PTPRK: variants seen among roughly 807,000 people sequenced by gnomAD.
PTPRK encodes the protein protein tyrosine phosphatase receptor type K.
Under a neutral mutation model 178.0 loss-of-function variants are expected in PTPRK, and 75 were observed. That is an observed-to-expected ratio of 0.42 (90% CI 0.35 to 0.51). PTPRK has a LOEUF of 0.51. PTPRK is among the 20% of genes least tolerant of loss of function. PTPRK has a pLI of 0.02. For synonymous variants in PTPRK, 637 were observed against 620.6 expected, an observed-to-expected ratio of 1.03 and a Z score of -0.39; for missense variants, 1,441 against 1,797.8, an observed-to-expected ratio of 0.80 and a Z score of 3.59.
At chr6:128,115,539 T>A (rs994631900) in intron 7 of PTPRK, among the ~76,000 whole-genome samples, 1 of 152,094 alleles carries the variant, frequency 6.6e-6, no homozygotes, top group Non-Finnish European at 1.5e-5. Flanking sequence ...AAGTGGTATA[T>A]AATAAAAGCC....
chr6:128,072,220 T>C (rs921540109), intron 11 of PTPRK, among the ~76,000 whole-genome samples: 4 of 152,042 alleles, frequency 2.6e-5, no homozygotes, highest in Admixed American at 2.6e-4. Flanking sequence ...AATCATTCAA[T>C]ACACAAAATG....
intron 1 of PTPRK, among the ~76,000 whole-genome samples, chr6:128,409,565 T>G (rs990434534): frequency 2.6e-5 from 4 of 152,166 alleles, no homozygotes; most frequent in Non-Finnish European, 4.4e-5. Context: ...ATTAGTAAAA[T>G]AAAGTCTGTT....
At chr6:128,280,989 A>G (rs940448572) in intron 3 of PTPRK, among the ~76,000 whole-genome samples, 11 of 152,182 alleles carry the variant, frequency 7.2e-5, no homozygotes, top group Non-Finnish European at 1.6e-4. Flanking sequence ...AAAAAAATCT[A>G]GGTGATAGTG....
chr6:128,178,627 T>A (rs964813775), intron 7 of PTPRK, among the ~76,000 whole-genome samples: 1 of 151,746 alleles, frequency 6.6e-6, no homozygotes, highest in Non-Finnish European at 1.5e-5. Context: ...TGTTTCTGAT[T>A]TGAAATGAGA....
At chr6:128,135,511 T>C (rs1226991488) in intron 7 of PTPRK, among the ~76,000 whole-genome samples, 1 of 152,202 alleles carries the variant, frequency 6.6e-6, no homozygotes, top group Non-Finnish European at 1.5e-5. Context: ...TATATGAAAC[T>C]TGGGGATTCC....
At chr6:128,288,901 A>G (rs2128305950) in intron 3 of PTPRK, among the ~76,000 whole-genome samples, 1 of 152,154 alleles carries the variant, frequency 6.6e-6, no homozygotes, top group East Asian at 1.9e-4. Flanking sequence ...CTCTTGGTAT[A>G]ATTGTTTCCT....
At chr6:128,134,067 T>C (rs1794659846) in intron 7 of PTPRK, among the ~76,000 whole-genome samples, 1 of 152,218 alleles carries the variant, frequency 6.6e-6, no homozygotes, top group African/African-American at 2.4e-5. Context: ...ATAATACTAT[T>C]ATTGCAATAT....
chr6:127,976,805 GAA>G (rs5879870), intron 26 of PTPRK, 23 bp from the exon 27 acceptor site: 133 of 1,297,968 alleles, frequency 1.0e-4, no homozygotes, highest in Non-Finnish European at 1.3e-4. Flanking sequence ...CGTTTTGAAA[GAA>G]AAAAAAAAAG....
At position 128,162,990 on chromosome 6, in the gene PTPRK, A is replaced by C. The variant is rs1019988736; in HGVS notation, c.1162+21442T>G. ...ATATAATACTTAATGTTAATGTTTA[A>C]TATTCATTATTAATATGAATAACAT... On this transcript the variant is annotated intron_variant, in intron 7 of 29. Transcript: ENST00000368226. 1.3e-5 allele frequency among the ~76,000 whole-genome samples: 2 copies of C among 151,498 alleles called. 1 individual carries two copies. Among genetic ancestry groups the C allele is most frequent in the Non-Finnish European group, 3.0e-5 (2 of 67,654 alleles).
chr6:128,202,250 C>G (rs1199049824), intron 6 of PTPRK, among the ~76,000 whole-genome samples: 2 of 152,086 alleles, frequency 1.3e-5, no homozygotes, highest in Non-Finnish European at 2.9e-5. Context: ...CAAAGGAAGC[C>G]CCACTCCCAG....
At chr6:128,294,398 C>T (rs1041366162) in intron 3 of PTPRK, among the ~76,000 whole-genome samples, 2 of 152,088 alleles carry the variant, frequency 1.3e-5, no homozygotes, top group African/African-American at 2.4e-5. Context: ...CTCCAGTGTA[C>T]CCTGAAGTAG....
chr6:128,073,462 G>A (rs1008286774), intron 11 of PTPRK, among the ~76,000 whole-genome samples: 15 of 152,090 alleles, frequency 9.9e-5, no homozygotes, highest in East Asian at 7.7e-4. Flanking sequence ...AAAAGTATCC[G>A]TTGGGCAGAA....
At chr6:128,285,290 G>A (rs1312094040) in intron 3 of PTPRK, among the ~76,000 whole-genome samples, 24 of 152,086 alleles carry the variant, frequency 1.6e-4, no homozygotes, top group Non-Finnish European at 2.9e-5. Flanking sequence ...CAAGGCAGGC[G>A]GGTCACCTGA....
chr6:128,300,059 A>G (rs1215959522), intron 3 of PTPRK, among the ~76,000 whole-genome samples: 9 of 152,322 alleles, frequency 5.9e-5, no homozygotes, highest in East Asian at 5.8e-4. Context: ...AAAAGTGGGC[A>G]AAGGACATGA....
At chr6:128,499,212 A>C (rs1294028509) in intron 1 of PTPRK, among the ~76,000 whole-genome samples, 1 of 152,078 alleles carries the variant, frequency 6.6e-6, no homozygotes, top group African/African-American at 2.4e-5. Flanking sequence ...GAAGAAACAA[A>C]AGACTGTGTA....
intron 3 of PTPRK, among the ~76,000 whole-genome samples, chr6:128,268,656 T>C (rs1164068396): frequency 2.0e-5 from 3 of 152,080 alleles, no homozygotes; most frequent in Admixed American, 2.0e-4. Flanking sequence ...TTTTAACAAT[T>C]CATTTGTTTT....
intron 1 of PTPRK, among the ~76,000 whole-genome samples, chr6:128,400,011 C>A (rs1169880051): frequency 6.6e-6 from 1 of 152,050 alleles, no homozygotes; most frequent in Non-Finnish European, 1.5e-5. Context: ...ACTAATAAAA[C>A]TTTTACAAAT....
chr6:128,316,201 A>G (rs1827972421), intron 3 of PTPRK, among the ~76,000 whole-genome samples: 1 of 152,222 alleles, frequency 6.6e-6, no homozygotes, highest in Non-Finnish European at 1.5e-5. Flanking sequence ...GTATTTTTTC[A>G]GATTCAGCAA....
chr6:128,320,063 T>C (rs1828576091), intron 3 of PTPRK, among the ~76,000 whole-genome samples: 1 of 152,164 alleles, frequency 6.6e-6, no homozygotes, highest in African/African-American at 2.4e-5. Context: ...TCCATGTATT[T>C]ATTTAGTCAT....
Sources: gnomAD v4.1 joint callset for allele counts (sites outside exome capture counted in the v4.1 genomes callset) on GRCh38, gnomAD v4.1.1 for gene constraint, MANE v1.5 for transcripts, NCBI Gene and HGNC (gene_info 2026-07-23, HGNC 2026-07-21) for gene names.